PDE4D: variants seen among roughly 807,000 people sequenced by gnomAD.
PDE4D encodes the protein 3',5'-cyclic-AMP phosphodiesterase 4D.
PDE4D carries 24 observed loss-of-function variants against 87.4 expected under a neutral mutation model. The ratio of observed to expected loss-of-function variants is 0.27; its 90% CI spans 0.20 to 0.39. The LOEUF is 0.39. Ranked by LOEUF, PDE4D falls within the 10% of genes least tolerant of loss-of-function variation. The pLI is 1.00. For missense variants in PDE4D, 714 were observed against 1,041.0 expected, an observed-to-expected ratio of 0.69 and a Z score of 4.32; for synonymous variants, 384 against 383.2, an observed-to-expected ratio of 1.00 and a Z score of -0.02.
chr5:59,278,816 C>G (rs1486216417), intron 1 of PDE4D, among the ~76,000 whole-genome samples: 2 of 152,082 alleles, frequency 1.3e-5, no homozygotes, highest in African/African-American at 4.8e-5. Context: ...TCTCATACCA[C>G]TAATGGTGCC....
rs1229165622 is a variant in PDE4D, at chr5:59,816,691, T to C, written c.455+76477A>G. On this transcript the variant is annotated intron_variant, in intron 1 of 14. Transcript: ENST00000340635. ...TCACTACCGCTATGTACACAGATAGTCTGCTCCACACTCAGAAAGGTAGGG... is the reference window on the plus strand; with the variant it reads ...TCACTACCGCTATGTACACAGATAGCCTGCTCCACACTCAGAAAGGTAGGG... Among the ~76,000 whole-genome samples, 4 of 152,290 alleles carry C rather than the reference T, an allele frequency of 2.6e-5. No homozygotes were observed. In the East Asian group the frequency reaches 7.7e-4, roughly 29 times the overall value.
chr5:59,891,255 C>G (rs1750911187), intron 1 of PDE4D, among the ~76,000 whole-genome samples: 1 of 152,142 alleles, frequency 6.6e-6, no homozygotes, highest in Non-Finnish European at 1.5e-5. Flanking sequence ...GCTTATTTTT[C>G]TTTCTTCCAC....
At chr5:59,450,718 C>A (rs556942597) in intron 1 of PDE4D, among the ~76,000 whole-genome samples, 1 of 152,296 alleles carries the variant, frequency 6.6e-6, no homozygotes, top group Admixed American at 6.5e-5. Flanking sequence ...AAGGAACATT[C>A]TCCATGTCCA....
At chr5:59,311,516 A>AAG (rs1772621275) in intron 1 of PDE4D, among the ~76,000 whole-genome samples, 2 of 150,348 alleles carry the variant, frequency 1.3e-5, no homozygotes, top group South Asian at 4.2e-4. Flanking sequence ...AAAAAAAAAA[A>AAG]AAAAAAAAAA....
intron 5 of PDE4D, among the ~76,000 whole-genome samples, chr5:59,145,187 A>G (rs766896009): frequency 2.5e-4 from 38 of 152,328 alleles, no homozygotes; most frequent in Non-Finnish European, 3.1e-4. Flanking sequence ...GTAATGATCC[A>G]TAGTGTTATC....
intron 1 of PDE4D, among the ~76,000 whole-genome samples, chr5:59,252,742 G>T (rs1760213658): frequency 6.6e-6 from 1 of 151,986 alleles, no homozygotes; most frequent in African/African-American, 2.4e-5. Context: ...GCCCAGGCTG[G>T]TCTTACATTC....
chr5:59,029,111 T>C (rs1379465952), intron 6 of PDE4D, among the ~76,000 whole-genome samples: 1 of 151,762 alleles, frequency 6.6e-6, no homozygotes, highest in Non-Finnish European at 1.5e-5. Context: ...TGCAATAGCA[T>C]CAAAAAAATA....
At position 59,226,418 on chromosome 5, in the gene PDE4D, C is replaced by T. The variant is rs116396818; in HGVS notation, c.456-10450G>A. Among the ~76,000 whole-genome samples, 212 of 152,132 alleles carry T rather than the reference C, an allele frequency of 1.4e-3. 3 individuals carry two copies. The highest frequency in any genetic ancestry group is 4.9e-3 in the African/African-American group (205 of 41,524). On this transcript the variant is annotated intron_variant, in intron 1 of 14. Coordinates refer to ENST00000340635, the MANE Select transcript of PDE4D (RefSeq NM_001104631.2). ...ACAGAAAGATAAATATTGCATGATC[C>T]CTCTTATATGAGGGATTTAAAGTAG...
intron 1 of PDE4D, among the ~76,000 whole-genome samples, chr5:59,255,630 A>G (rs2153532186): frequency 6.6e-6 from 1 of 152,266 alleles, no homozygotes; most frequent in African/African-American, 2.4e-5. Flanking sequence ...GAACAACACA[A>G]GAAGCTTCTC....
In PDE4D at chr5:59,185,379, A is replaced by G. The variant is rs1170537224; in HGVS notation, c.685-117T>C. On this transcript the variant is annotated intron_variant, in intron 3 of 14. Transcript: ENST00000340635. ...TTGCAACTTAGTTTCATATACCACT[A>G]AAGAATCTCCCAACACTTAGTGCAG... 1.0e-5 allele frequency: 7 copies of G among 675,618 alleles called. No homozygotes were observed. In the East Asian group the frequency reaches 1.9e-4, roughly 18 times the overall value. 41.9% of individuals were successfully genotyped at this position (675,618 alleles called of 1,614,324 possible). A position where few individuals can be genotyped will look rare whatever the true frequency, so the allele number is the denominator to read the frequency against.
intron 1 of PDE4D, among the ~76,000 whole-genome samples, chr5:59,272,331 T>C (rs1180630613): frequency 6.6e-6 from 1 of 152,056 alleles, no homozygotes; most frequent in Non-Finnish European, 1.5e-5. Flanking sequence ...TGGGAAATGT[T>C]TATAAATGTT....
At chr5:60,494,952 T>C (rs1182865735) in intron 1 of PDE4D, among the ~76,000 whole-genome samples, 1 of 152,134 alleles carries the variant, frequency 6.6e-6, no homozygotes, top group African/African-American at 2.4e-5. Flanking sequence ...GGTCAAGCTT[T>C]CCCTTCTCCA....
At chr5:59,812,407 T>C (rs1484333920) in intron 1 of PDE4D, among the ~76,000 whole-genome samples, 3 of 152,282 alleles carry the variant, frequency 2.0e-5, no homozygotes, top group Admixed American at 1.3e-4. Context: ...TCATGGCACC[T>C]GTAATCTGAA....
intron 1 of PDE4D, among the ~76,000 whole-genome samples, chr5:60,442,954 G>A (rs1354975322): frequency 6.6e-6 from 1 of 152,104 alleles, no homozygotes; most frequent in Non-Finnish European, 1.5e-5. Flanking sequence ...TGACTTGAAG[G>A]TTAGGGTTGG....
At chr5:59,706,449 C>G (rs906732701) in intron 1 of PDE4D, among the ~76,000 whole-genome samples, 2 of 152,110 alleles carry the variant, frequency 1.3e-5, no homozygotes, top group African/African-American at 2.4e-5. Context: ...TAATTAAATG[C>G]TAGGATATCA....
intron 3 of PDE4D, among the ~76,000 whole-genome samples, chr5:59,985,170 A>C (rs1330107548): frequency 1.6e-5 from 2 of 123,448 alleles, no homozygotes; most frequent in Non-Finnish European, 3.3e-5. Flanking sequence ...ACAGAGTCTC[A>C]CTCTGTCGCC....
chr5:60,271,784 T>C (rs1055877395), intron 1 of PDE4D, among the ~76,000 whole-genome samples: 9 of 152,172 alleles, frequency 5.9e-5, no homozygotes, highest in East Asian at 1.9e-4. Flanking sequence ...TACTTTTCCA[T>C]ATAAAGTAAA....
chr5:59,452,732 A>G (rs977802753), intron 1 of PDE4D, among the ~76,000 whole-genome samples: 1 of 152,204 alleles, frequency 6.6e-6, no homozygotes, highest in Non-Finnish European at 1.5e-5. Flanking sequence ...AGGGCAGAGA[A>G]AGGGCAATAT....
chr5:58,985,696 G>C (rs1487014986), intron 11 of PDE4D, among the ~76,000 whole-genome samples: 4 of 152,168 alleles, frequency 2.6e-5, no homozygotes, highest in Non-Finnish European at 1.5e-5. Flanking sequence ...CCAGCTCTGA[G>C]GCAAGAGCTG....
Sources: gnomAD v4.1 joint callset for allele counts (sites outside exome capture counted in the v4.1 genomes callset) on GRCh38, gnomAD v4.1.1 for gene constraint, MANE v1.5 for transcripts, NCBI Gene and HGNC (gene_info 2026-07-23, HGNC 2026-07-21) for gene names.